REEP5: variants seen among roughly 807,000 people sequenced by gnomAD.
REEP5 encodes the protein receptor accessory protein 5.
A neutral mutation model predicts 22.4 loss-of-function variants in REEP5; 24 were observed. The observed-to-expected ratio is 1.07, with a 90% confidence interval of 0.78 to 1.51. REEP5 has a LOEUF of 1.51. Among genes scored for constraint, REEP5 ranks in the 40% most tolerant of loss-of-function variants. The pLI, the probability that REEP5 is intolerant of heterozygous loss-of-function variation, is 0.00. For synonymous variants in REEP5, 103 were observed against 88.6 expected, an observed-to-expected ratio of 1.16 and a Z score of -0.92; for missense variants, 252 against 233.0, an observed-to-expected ratio of 1.08 and a Z score of -0.53.
intron 2 of REEP5, among the ~76,000 whole-genome samples, chr5:112,916,954 T>C (rs907871240): frequency 9.9e-5 from 15 of 152,178 alleles, no homozygotes; most frequent in Admixed American, 9.2e-4. Flanking sequence ...TTAAATAAAA[T>C]GCTACACAGA....
At chr5:112,886,916 G>T in intron 4 of REEP5, 99 bp downstream of exon 4, 1 of 821,440 alleles carries the variant, frequency 1.2e-6, no homozygotes, top group South Asian at 2.1e-5. Context: ...ATTTGGCTGA[G>T]GGGTGGTGAT....
intron 4 of REEP5, 145 bp from the exon 5 acceptor site, chr5:112,878,980 T>C (rs912632125): frequency 1.5e-6 from 2 of 1,323,940 alleles, no homozygotes; most frequent in South Asian, 1.4e-5. Flanking sequence ...GGGTTTGTGG[T>C]CTGGGCTAAG....
At chr5:112,900,736 A>G (rs1768820822) in intron 3 of REEP5, among the ~76,000 whole-genome samples, 2 of 152,200 alleles carry the variant, frequency 1.3e-5, no homozygotes, top group South Asian at 4.1e-4. Flanking sequence ...TAGTACTAGC[A>G]TGGACTGGGG....
At chr5:112,900,187 T>C (rs147524251) in intron 3 of REEP5, among the ~76,000 whole-genome samples, 1 of 152,324 alleles carries the variant, frequency 6.6e-6, no homozygotes, top group East Asian at 1.9e-4. Context: ...CCTTTTCCCA[T>C]TTTCTTTTTC....
Position 112,902,416 on chromosome 5 carries a change from G to C in REEP5, c.315C>G (p.Ile105Met). 1 of 1,613,044 alleles carries C rather than the reference G, an allele frequency of 6.2e-7. No homozygotes were observed. Among genetic ancestry groups the C allele is most frequent in the South Asian group, 1.1e-5 (1 of 90,798 alleles). The change falls in exon 3 of 5, where the codon ATC becomes ATG. Residue 105 changes from isoleucine to methionine, a missense_variant. Ile to Met is a conservative substitution (Grantham distance 10, BLOSUM62 1). Transcript: ENST00000379638. ...VFSIAEFFSD[I>M]FLSWFPFYYM... ...AGTAGAAGGGGAACCATGACAGGAA[G>C]ATATCAGAGAAGAATTCAGCAATGC...
At chr5:112,878,921 T>C in intron 4 of REEP5, 86 bp from the exon 5 acceptor site, 1 of 1,600,680 alleles carries the variant, frequency 6.2e-7, no homozygotes, top group Non-Finnish European at 8.5e-7. Flanking sequence ...CTAATGTAGC[T>C]ACTAGATAAC....
intron 2 of REEP5, among the ~76,000 whole-genome samples, 178 bp downstream of exon 2, chr5:112,920,985 G>A (rs145897616): frequency 6.6e-6 from 1 of 152,264 alleles, no homozygotes; most frequent in African/African-American, 2.4e-5. Context: ...CAAGAGATAG[G>A]GATTAAGTTA....
chr5:112,883,454 C>T lies in REEP5; in HGVS notation c.520+3561G>A, dbSNP rs1351356537. ...TGTTCTTGGCCCCAGGGATACCACA[C>T]GCTCATGGTTTTCTTGCTACCTCAA... On this transcript the variant is annotated intron_variant, in intron 4 of 4. Transcript: ENST00000379638. Among the ~76,000 whole-genome samples, 7 of 152,168 alleles carry T rather than the reference C, an allele frequency of 4.6e-5. No individual in the cohort carries two copies. The East Asian group carries it at 7.7e-4, about 17-fold the overall frequency.
intron 2 of REEP5, among the ~76,000 whole-genome samples, chr5:112,908,954 C>T (rs1266799265): frequency 6.6e-6 from 1 of 151,518 alleles, no homozygotes; most frequent in Non-Finnish European, 1.5e-5. Context: ...ACACACACAC[C>T]CACAAAGAGA....
At position 112,892,191 on chromosome 5, in the gene REEP5, A is replaced by G. The variant is rs578080478; in HGVS notation, c.352-5008T>C. ...ATTGTCCCTTCTACAGTAAAACAGG[A>G]GCTTGCAGATTTGGAGACAGATGTT... On this transcript the variant is annotated intron_variant, in intron 3 of 4. Coordinates refer to ENST00000379638, the MANE Select transcript of REEP5 (RefSeq NM_005669.5). 6.8e-6 allele frequency: 11 copies of G among 1,614,200 alleles called. No homozygotes were observed. In the Admixed American group the frequency reaches 1.7e-4, roughly 24 times the overall value.
chr5:112,883,954 T>G (rs963470513), intron 4 of REEP5, among the ~76,000 whole-genome samples: 1 of 152,122 alleles, frequency 6.6e-6, no homozygotes, highest in African/African-American at 2.4e-5. Context: ...ACTTCTACCT[T>G]TGAAATATAT....
At chr5:112,913,318 G>T (rs537170441) in intron 2 of REEP5, among the ~76,000 whole-genome samples, 1 of 129,992 alleles carries the variant, frequency 7.7e-6, no homozygotes, top group South Asian at 2.3e-4. Flanking sequence ...AAGAAAGAAA[G>T]ACAGACAGAC....
intron 4 of REEP5, among the ~76,000 whole-genome samples, chr5:112,883,375 G>C (rs1768135608): frequency 6.6e-6 from 1 of 152,136 alleles, no homozygotes; most frequent in Admixed American, 6.5e-5. Flanking sequence ...TACTTGACCT[G>C]TTGACAGCAT....
intron 3 of REEP5, among the ~76,000 whole-genome samples, chr5:112,901,657 A>G (rs1181343315): frequency 6.6e-6 from 1 of 151,760 alleles, no homozygotes; most frequent in African/African-American, 2.4e-5. Flanking sequence ...GGTTGCAGTG[A>G]GCGGAGATTG....
At chr5:112,892,402 G>T in intron 3 of REEP5, 1 of 1,614,116 alleles carries the variant, frequency 6.2e-7, no homozygotes. Context: ...GTTCAAGAAC[G>T]TGGGGAAAGT....
Position 112,887,047 on chromosome 5 carries a change from G to T in REEP5, c.488C>A (p.Ala163Asp). The T allele has an allele frequency of 6.2e-7, 1 of 1,612,686 alleles. No homozygotes were observed. The highest frequency in any genetic ancestry group is 8.5e-7 in the Non-Finnish European group (1 of 1,179,080). The part of the protein sequence containing the change: ...DSVVKDLKDK[A>D]KETADAITKE... Reference sequence around the variant, plus strand: ...AGTGATGGCATCTGCAGTCTCTTTGGCCTTGTCTTTAAGGTCCTTGACCAC... The same window carrying T: ...AGTGATGGCATCTGCAGTCTCTTTGTCCTTGTCTTTAAGGTCCTTGACCAC... Residue 163 changes from alanine to aspartate, a missense_variant, in exon 4 of 5, where the codon GCC becomes GAC. Coordinates refer to ENST00000379638, the MANE Select transcript of REEP5 (RefSeq NM_005669.5).
intron 4 of REEP5, among the ~76,000 whole-genome samples, chr5:112,884,757 A>G (rs903258434): frequency 7.0e-6 from 1 of 143,234 alleles, no homozygotes; most frequent in African/African-American, 2.8e-5. Context: ...ATTTAAAATC[A>G]TAACCATCCC....
chr5:112,903,919 C>T (rs1345603700), intron 2 of REEP5, among the ~76,000 whole-genome samples: 1 of 152,206 alleles, frequency 6.6e-6, no homozygotes, highest in Non-Finnish European at 1.5e-5. Flanking sequence ...CAACCTCAAA[C>T]TTCTGGGCTT....
chr5:112,897,565 T>C (rs1257724944), intron 3 of REEP5: 1 of 152,218 alleles, frequency 6.6e-6, no homozygotes, highest in South Asian at 2.1e-4. Flanking sequence ...TTTTAAACCC[T>C]CTTGCTCAAG....
Sources: gnomAD v4.1 joint callset for allele counts (sites outside exome capture counted in the v4.1 genomes callset) on GRCh38, gnomAD v4.1.1 for gene constraint, MANE v1.5 for transcripts, NCBI Gene and HGNC (gene_info 2026-07-23, HGNC 2026-07-21) for gene names.